The following LTBP3 variants were observed in gnomAD, a reference collection of about 807,000 sequenced individuals.
LTBP3 encodes the protein latent transforming growth factor beta binding protein 3, also known as latent-transforming growth factor beta-binding protein 3.
Under a neutral mutation model 159.7 loss-of-function variants are expected in LTBP3, and 97 were observed. The observed-to-expected ratio is 0.61, with a 90% CI of 0.52 to 0.72. The LOEUF (loss-of-function observed/expected upper bound fraction) is 0.72, where lower values mean the gene tolerates loss of function less well. LTBP3 is among the 30% of genes least tolerant of loss of function. The probability of loss-of-function intolerance (pLI) is 0.00; values close to 1 mark genes in which losing one functional copy is unlikely to be tolerated. For synonymous variants in LTBP3, 824 were observed against 777.1 expected (o/e 1.06, Z -1.00); for missense variants, 1,584 against 1,864.3 (o/e 0.85, Z 2.77).
intron 8 of LTBP3, 31 bp downstream of exon 8, chr11:65,551,941 G>T (rs1487212101): frequency 5.0e-6 from 8 of 1,610,790 alleles, no homozygotes; most frequent in Non-Finnish European, 5.9e-6. Context: ...GGCTTGGCAT[G>T]GGTCAGGGAT....
At chr11:65,540,841 G>C in intron 21 of LTBP3, 30 bp downstream of exon 21, 1 of 1,591,798 alleles carries the variant, frequency 6.3e-7, no homozygotes. Flanking sequence ...GTGAGAGGGC[G>C]CGGGGCGGGC....
At position 65,547,500 on chromosome 11, in the gene LTBP3, G is replaced by A. The variant is rs750683353; in HGVS notation, c.2046C>T (p.His682=). The A allele has an allele frequency of 1.2e-6, 2 of 1,614,158 alleles. No homozygotes were observed. The highest frequency in any genetic ancestry group is 1.7e-5 in the Admixed American group (1 of 60,022). Residue 682 remains histidine, a synonymous_variant, in exon 14 of 28, where the codon CAC becomes CAT. Coordinates refer to ENST00000301873, the MANE Select transcript of LTBP3 (RefSeq NM_001130144.3). This position sits in a 1 kb window ranked among gnomAD's most constrained non-coding sequence, Gnocchi z 4.6. ...AGCCGGGGTAGCAGTTGCACTTGTA[G>A]TGACCGGGAAAGTTGATGCAGAAGC... The part of the protein sequence containing the change: ...DGGFCINFPG[H]YKCNCYPGYR...
At chr11:65,556,096 A>G (rs756186299) in intron 1 of LTBP3, among the ~76,000 whole-genome samples, 3 of 152,216 alleles carry the variant, frequency 2.0e-5, no homozygotes, top group Non-Finnish European at 4.4e-5. Context: ...GGATGTGGGC[A>G]GCACAGATGG....
rs1348147097 is a variant in LTBP3 at position 65,551,425 on chromosome 11, G to A, written c.1598C>T (p.Thr533Met). ...SVQQSHPTATTTPARPYPELI... is the reference protein window; with the variant it reads ...SVQQSHPTATMTPARPYPELI... ...ACCGGGGTAGGGCCGGGCAGGAGTCGTGGTGGCAGTTGGGTGGCTCTGCTG... is the reference window on the plus strand; with the variant it reads ...ACCGGGGTAGGGCCGGGCAGGAGTCATGGTGGCAGTTGGGTGGCTCTGCTG... The change falls in exon 10 of 28, where the codon ACG (threonine) becomes ATG (methionine). Residue 533 changes from threonine (T) to methionine (M), a missense_variant. Thr to Met is a moderately conservative substitution (Grantham distance 81, BLOSUM62 -1). Transcript: ENST00000301873. 16 of 1,613,672 alleles carry A rather than the reference G, an allele frequency of 9.9e-6. No individual in the cohort carries two copies. The highest frequency in any genetic ancestry group is 5.3e-5 in the African/African-American group (4 of 74,894).
intron 16 of LTBP3, chr11:65,545,669 T>A (rs117417321): frequency 3.9e-4 from 89 of 228,914 alleles, no homozygotes; most frequent in Middle Eastern, 1.3e-3. Flanking sequence ...CCGCCCTAAG[T>A]CTCTGCAACA....
intron 19 of LTBP3, 104 bp downstream of exon 19, chr11:65,541,496 C>T (rs1856135568): frequency 8.2e-6 from 13 of 1,579,122 alleles, no homozygotes; most frequent in African/African-American, 1.3e-5. Flanking sequence ...AGATTTCTTC[C>T]GGTTCCCCAA....
rs1482747895 is a variant in LTBP3, at chr11:65,546,210, T to C, written c.2353+232A>G. The C allele has an allele frequency of 1.8e-6, 1 of 567,708 alleles. No individual in the cohort carries two copies. Among genetic ancestry groups the C allele is most frequent in the African/African-American group, 2.0e-5 (1 of 50,114 alleles). 35.2% of individuals were successfully genotyped at this position (567,708 alleles called of 1,614,324 possible). A position where few individuals can be genotyped will look rare whatever the true frequency, so the allele number is the denominator to read the frequency against. On this transcript the variant is annotated intron_variant, in intron 16 of 27. Transcript: ENST00000301873. The surrounding 1 kb of genome is among the most constrained non-coding windows in gnomAD (Gnocchi z 4.0). ...TCTTTGATATCTTTTTTCCTTCAAA[T>C]TTAAGTAACATGCTTTGCAAACGCA...
In LTBP3 at chr11:65,543,100, C is replaced by T. The variant is rs917898929; in HGVS notation, c.2596+5G>A. On this transcript the variant is annotated splice_donor_5th_base_variant and intron_variant, in intron 18 of 27. Transcript: ENST00000301873. ...CCTCAGGAACCCTCAGCCAGTCCCC[C>T]ATACCTTGGCATTTCCTGCCACCCA... 4.3e-6 allele frequency: 7 copies of T among 1,613,926 alleles called. No individual in the cohort carries two copies. The highest frequency in any genetic ancestry group is 4.2e-6 in the Non-Finnish European group (5 of 1,179,962).
In LTBP3 at chr11:65,551,399, C is replaced by T. The variant is rs763055825; in HGVS notation, c.1621+3G>A. ...GGACTCATCCCTACAGTGCCCAGCTCACCGGGGTAGGGCCGGGCAGGAGTC... is the reference window on the plus strand; with the variant it reads ...GGACTCATCCCTACAGTGCCCAGCTTACCGGGGTAGGGCCGGGCAGGAGTC... On this transcript the variant is annotated splice_donor_region_variant and intron_variant, in intron 10 of 27. Transcript: ENST00000301873. 1.2e-6 allele frequency: 2 copies of T among 1,612,860 alleles called. No homozygotes were observed. Among genetic ancestry groups the T allele is most frequent in the East Asian group, 4.5e-5 (2 of 44,882 alleles).
intron 1 of LTBP3, among the ~76,000 whole-genome samples, chr11:65,555,174 C>T (rs564865205): frequency 6.6e-6 from 1 of 152,328 alleles, no homozygotes; most frequent in Admixed American, 6.5e-5. Context: ...CTGGCCCAGG[C>T]CTGGCCACCC....
intron 16 of LTBP3, 120 bp from the exon 17 acceptor site, chr11:65,543,669 A>C: frequency 7.6e-7 from 1 of 1,314,230 alleles, no homozygotes; most frequent in South Asian, 1.2e-5. Flanking sequence ...ACTCAGAAGC[A>C]CAGGCCTCAC....
chr11:65,540,981 G>C, intron 20 of LTBP3, 27 bp from the exon 21 acceptor site: 1 of 1,608,080 alleles, frequency 6.2e-7, no homozygotes, highest in South Asian at 1.1e-5. Context: ...GCCGTGGGGA[G>C]GGAAGAGGCA....
rs1352303877 is a variant in LTBP3 at position 65,557,729 on chromosome 11, C to G, written c.231G>C (p.Lys77Asn). The stretch of plus-strand genomic sequence containing the variant: ...GCTGACAACTGTCCCGACACTGGCC[C>G]TTGAGACAGGTCCGCTTGCAGATCA... ...APVICKRTCL[K>N]GQCRDSCQQG... The change falls in exon 1 of 28, where the codon AAG becomes AAC. Residue 77 changes from lysine (K) to asparagine (N), a missense_variant. Around this residue, in one of 6 missense-constraint regions of LTBP3, gnomAD observed 76 missense variants for 133.3 expected, o/e 0.57. Transcript: ENST00000301873. 1 of 1,608,306 alleles carries G rather than the reference C, an allele frequency of 6.2e-7. No homozygotes were observed. Among genetic ancestry groups the G allele is most frequent in the Non-Finnish European group, 8.5e-7 (1 of 1,179,858 alleles).
chr11:65,553,464 A>T lies in LTBP3; in HGVS notation c.931T>A (p.Trp311Arg). ...EDCCGSIGTA[W>R]GQSKCHKCPQ... ...CACTTGTGGCACTTGCTCTGGCCCC[A>T]GGCAGTGCCGATGCTACCGCAGCAG... Residue 311 changes from tryptophan to arginine, a missense_variant, in exon 4 of 28, where the codon TGG becomes AGG. Trp to Arg is a moderately radical substitution (Grantham distance 101). Around this residue, in one of 6 missense-constraint regions of LTBP3, gnomAD observed 156 missense variants for 259.7 expected, o/e 0.60. Transcript: ENST00000301873. The surrounding 1 kb of genome is among the most constrained non-coding windows in gnomAD (Gnocchi z 6.5). 6.2e-7 allele frequency: 1 copy of T among 1,612,254 alleles called. No homozygotes were observed. Among genetic ancestry groups the T allele is most frequent in the Non-Finnish European group, 8.5e-7 (1 of 1,179,912 alleles).
intron 16 of LTBP3, chr11:65,544,096 C>T (rs912370927): frequency 5.0e-5 from 9 of 179,568 alleles, no homozygotes; most frequent in Admixed American, 4.3e-4. Flanking sequence ...TTTTTCTCTC[C>T]ATCCTGGGAG....
Position 65,538,776 on chromosome 11 carries a change from C to T in LTBP3, c.*304G>A, listed in dbSNP as rs952782844. On this transcript the variant is annotated 3_prime_UTR_variant, in exon 28 of 28. Transcript: ENST00000301873. ...TGGCGCCGCCCTGCGCAGCCCGCGC[C>T]CACGTCAGACGTGAACATCAATTTG... is the stretch of plus-strand genomic sequence containing the variant. 3.3e-5 allele frequency: 28 copies of T among 841,164 alleles called. No homozygotes were observed. In the Admixed American group the frequency reaches 4.3e-4, roughly 13 times the overall value. 52.1% of individuals were successfully genotyped at this position (841,164 alleles called of 1,614,324 possible).
intron 11 of LTBP3, chr11:65,548,309 C>A: frequency 1.6e-6 from 1 of 612,168 alleles, no homozygotes; most frequent in Non-Finnish European, 2.9e-6. Context: ...CACTCCAAGA[C>A]CCTGACCCCA....
rs759360686 is a variant in LTBP3, at chr11:65,540,957, G to A, written c.2894-3C>T. ...TGGGCAGAGGCTGTGGAACTCGGCT[G>A]CAGGGGCAGGGCGGCCGTGGGGAGG... On this transcript the variant is annotated splice_region_variant and splice_polypyrimidine_tract_variant and intron_variant, in intron 20 of 27. Coordinates refer to ENST00000301873, the MANE Select transcript of LTBP3 (RefSeq NM_001130144.3). The A allele has an allele frequency of 6.8e-6, 11 of 1,612,810 alleles. No homozygotes were observed. In the East Asian group the frequency reaches 2.0e-4, roughly 29 times the overall value.
rs769389218 is a variant in LTBP3 at position 65,547,553 on chromosome 11, C to A, written c.1993G>T (p.Ala665Ser). The A allele has an allele frequency of 4.3e-6, 7 of 1,613,866 alleles. No individual in the cohort carries two copies. Among genetic ancestry groups the A allele is most frequent in the South Asian group, 1.1e-5 (1 of 91,080 alleles). Reference sequence around the variant, plus strand: ...CCGTCGCCGCACAGGTGGGGCTTGGCGCATTCGTTCAGGTCTGTGCGGGAG... The same window carrying A: ...CCGTCGCCGCACAGGTGGGGCTTGGAGCATTCGTTCAGGTCTGTGCGGGAG... ...GRSCVDLNEC[A>S]KPHLCGDGGF... Residue 665 changes from alanine to serine, a missense_variant, in exon 14 of 28, where the codon GCC becomes TCC. Ala to Ser is a moderately conservative substitution (Grantham distance 99). Around this residue, in one of 6 missense-constraint regions of LTBP3, gnomAD observed 565 missense variants for 677.7 expected, o/e 0.83. Transcript: ENST00000301873. The surrounding 1 kb of genome is among the most constrained non-coding windows in gnomAD (Gnocchi z 4.6).
Sources: gnomAD v4.1 joint callset for allele counts (sites outside exome capture counted in the v4.1 genomes callset) on GRCh38, gnomAD v4.1.1 for gene constraint, gnomAD v4.1.1 regional missense constraint, Gnocchi (gnomAD v3.1) non-coding constraint, MANE v1.5 for transcripts, NCBI Gene and HGNC (gene_info 2026-07-23, HGNC 2026-07-21) for gene names.